The following FCRL2 variants were observed in gnomAD, a reference collection of about 807,000 sequenced individuals.
The protein encoded by FCRL2 is Fc receptor like 2.
In FCRL2, 48 loss-of-function variants were observed where a neutral mutation model predicts 59.8. The observed-to-expected ratio is 0.80, with a 90% CI of 0.64 to 1.02. The LOEUF is 1.02. Ranked by LOEUF, FCRL2 falls within the 50% of genes least tolerant of loss-of-function variation. FCRL2 has a pLI of 0.00. For synonymous variants in FCRL2, 251 were observed against 229.5 expected (o/e 1.09, Z -0.85); for missense variants, 658 against 597.3 (o/e 1.10, Z -1.06).
intron 7 of FCRL2, among the ~76,000 whole-genome samples, chr1:157,756,920 T>C (rs1648630338): frequency 6.6e-6 from 1 of 152,206 alleles, no homozygotes; most frequent in Admixed American, 6.5e-5. Flanking sequence ...CATAAATACA[T>C]GCAATTTTTA....
chr1:157,768,522 C>T lies in FCRL2; in HGVS notation c.775G>A (p.Glu259Lys). The change falls in exon 5 of 12, where the codon GAG (glutamate) becomes AAG (lysine). Residue 259 changes from glutamate to lysine, a missense_variant. Coordinates refer to ENST00000361516, the MANE Select transcript of FCRL2 (RefSeq NM_030764.4). Reference sequence around the variant, plus strand: ...TCTTTCACAGCTGGGATCTCCAGCTCTGCTGACAGGGAACGCTGGGTTTTC... The same window carrying T: ...TCTTTCACAGCTGGGATCTCCAGCTTTGCTGACAGGGAACGCTGGGTTTTC... The part of the protein sequence containing the change: ...GKKTQRSLSA[E>K]LEIPAVKESD... 6.2e-7 allele frequency: 1 copy of T among 1,614,236 alleles called. No homozygotes were observed. Among genetic ancestry groups the T allele is most frequent in the Non-Finnish European group, 8.5e-7 (1 of 1,180,036 alleles).
In FCRL2 at chr1:157,770,612, A is replaced by T. The variant is rs1430275819; in HGVS notation, c.107T>A (p.Leu36Gln). Residue 36 changes from leucine (L) to glutamine (Q), a missense_variant, in exon 3 of 12, where the codon CTG (leucine) becomes CAG (glutamine). By Grantham distance (113) the Leu-to-Gln change is moderately radical (BLOSUM62 -2). Transcript: ENST00000361516. Reference sequence around the variant, plus strand: ...CCAGTTCTGTTCTCCCTGGCATTTCAGAACGATGCTGTCTCCTTCGAAGAC... The same window carrying T: ...CCAGTTCTGTTCTCCCTGGCATTTCTGAACGATGCTGTCTCCTTCGAAGAC... ...SSVFEGDSIV[L>Q]KCQGEQNWKI... 1 of 1,614,096 alleles carries T rather than the reference A, an allele frequency of 6.2e-7. No individual in the cohort carries two copies. Among genetic ancestry groups the T allele is most frequent in the South Asian group, 1.1e-5 (1 of 91,086 alleles).
intron 7 of FCRL2, among the ~76,000 whole-genome samples, chr1:157,765,551 C>T (rs772299346): frequency 4.6e-5 from 7 of 152,148 alleles, no homozygotes; most frequent in East Asian, 1.9e-4. Context: ...CAACAAAAGA[C>T]GAGAAGGGGC....
chr1:157,760,711 GAAA>G (rs1648993836), intron 7 of FCRL2, among the ~76,000 whole-genome samples: 1 of 58,036 alleles, frequency 1.7e-5, no homozygotes, highest in Non-Finnish European at 3.6e-5. Flanking sequence ...AAGAAAGAAA[GAAA>G]GAAAGAAAGA....
intron 1 of FCRL2, 48 bp downstream of exon 1, chr1:157,776,995 A>C: frequency 6.4e-7 from 1 of 1,559,994 alleles, no homozygotes; most frequent in South Asian, 1.1e-5. Flanking sequence ...GGAGCAGTAG[A>C]CCTCATTCAG....
chr1:157,763,265 G>A (rs1349676227), intron 7 of FCRL2, among the ~76,000 whole-genome samples: 1 of 152,216 alleles, frequency 6.6e-6, no homozygotes, highest in African/African-American at 2.4e-5. Flanking sequence ...GCTCATGCCT[G>A]TAATCCCAGC....
intron 11 of FCRL2, 36 bp from the exon 12 acceptor site, chr1:157,746,810 T>C (rs1416537094): frequency 1.2e-6 from 2 of 1,613,680 alleles, no homozygotes; most frequent in Non-Finnish European, 1.7e-6. Flanking sequence ...ACTGAGGTGA[T>C]CAAGAAAATA....
At chr1:157,758,384 A>G (rs1479372782) in intron 7 of FCRL2, among the ~76,000 whole-genome samples, 1 of 152,244 alleles carries the variant, frequency 6.6e-6, no homozygotes, top group African/African-American at 2.4e-5. Flanking sequence ...TGGCTTGCAC[A>G]AAAGGGAAAA....
chr1:157,766,908 A>G lies in FCRL2; in HGVS notation c.1226T>C (p.Leu409Pro), dbSNP rs766822397. 6.2e-7 allele frequency: 1 copy of G among 1,614,224 alleles called. No individual in the cohort carries two copies. Among genetic ancestry groups the G allele is most frequent in the Non-Finnish European group, 8.5e-7 (1 of 1,180,036 alleles). The stretch of plus-strand genomic sequence containing the variant: ...CAGCAAAGCAACACCAGTGAAACCA[A>G]GGACACCAAACAGTCCCCAGAGAAC... ...AGVLWGLFGV[L>P]GFTGVALLLY... Residue 409 changes from leucine to proline, a missense_variant, in exon 7 of 12, where the codon CTT (leucine) becomes CCT (proline). Physicochemically the swap from Leu to Pro is moderately conservative, Grantham distance 98 (BLOSUM62 -3). Coordinates refer to ENST00000361516, the MANE Select transcript of FCRL2 (RefSeq NM_030764.4).
chr1:157,767,878 C>T (rs1283698822), intron 5 of FCRL2: 1 of 478,774 alleles, frequency 2.1e-6, no homozygotes, highest in East Asian at 3.7e-5. Context: ...TACATAGGAG[C>T]ATTTCTAAAC....
chr1:157,760,758 GAAAGAATGAAAAAAGA>G (rs1649025412), intron 7 of FCRL2, among the ~76,000 whole-genome samples: 1 of 124,028 alleles, frequency 8.1e-6, no homozygotes, highest in African/African-American at 3.0e-5. Context: ...AAAGAAAGAA[GAAAGAATGAAAAAAGA>G]AAGGAAGGAA....
In FCRL2 at chr1:157,772,219, A is replaced by G. The variant is rs186030733; in HGVS notation, c.53-1553T>C. On this transcript the variant is annotated intron_variant, in intron 2 of 11. Coordinates refer to ENST00000361516, the MANE Select transcript of FCRL2 (RefSeq NM_030764.4). ...CTCCACAAACAGGAAAGATTCCTGTAGAGAACACCACTGGGGATAGGAAGA... is the reference window on the plus strand; with the variant it reads ...CTCCACAAACAGGAAAGATTCCTGTGGAGAACACCACTGGGGATAGGAAGA... 5.9e-4 allele frequency among the ~76,000 whole-genome samples: 89 copies of G among 152,112 alleles called. 1 individual carries two copies. In the Middle Eastern group the frequency reaches 0.014, roughly 23 times the overall value.
chr1:157,756,881 G>A (rs930972865), intron 7 of FCRL2, among the ~76,000 whole-genome samples: 13 of 152,148 alleles, frequency 8.5e-5, no homozygotes, highest in African/African-American at 1.4e-4. Context: ...ATTCCACAAC[G>A]TATACTTATT....
rs1415253590 is a variant in FCRL2 at position 157,770,401 on chromosome 1, G to T, written c.310+8C>A. Reference sequence around the variant, plus strand: ...ACCCAGCCCATCCCACAGAAGTCAGGGTTTTACCTTGGACTTTTATCTTTA... The same window carrying T: ...ACCCAGCCCATCCCACAGAAGTCAGTGTTTTACCTTGGACTTTTATCTTTA... On this transcript the variant is annotated splice_region_variant and intron_variant, in intron 3 of 11. Transcript: ENST00000361516. 6.4e-7 allele frequency: 1 copy of T among 1,557,124 alleles called. No homozygotes were observed. Among genetic ancestry groups the T allele is most frequent in the Admixed American group, 1.7e-5 (1 of 58,112 alleles).
intron 7 of FCRL2, among the ~76,000 whole-genome samples, chr1:157,760,690 A>AGAAAGAAG (rs1315851533): frequency 1.8e-5 from 2 of 112,880 alleles, no homozygotes; most frequent in African/African-American, 7.6e-5. Flanking sequence ...AAAGAAAGAA[A>AGAAAGAAG]GAAAGAAGGA....
In FCRL2 at chr1:157,749,738, G is replaced by C. The variant is rs139649563; in HGVS notation, c.1280-61C>G. On this transcript the variant is annotated intron_variant, in intron 7 of 11. Coordinates refer to ENST00000361516, the MANE Select transcript of FCRL2 (RefSeq NM_030764.4). ...AGGAAGCTTTATCTCTTAAAATTTTGACATGATTTAACTACGTATAATCAG... is the reference window on the plus strand; with the variant it reads ...AGGAAGCTTTATCTCTTAAAATTTTCACATGATTTAACTACGTATAATCAG... The C allele has an allele frequency of 1.4e-4, 201 of 1,391,466 alleles. No homozygotes were observed. The African/African-American group carries it at 2.7e-3, about 18-fold the overall frequency. The allele number at this position is 1,391,466 out of a possible 1,614,324, so 86.2% of individuals were successfully genotyped here.
At chr1:157,771,945 T>C (rs1359049381) in intron 2 of FCRL2, among the ~76,000 whole-genome samples, 4 of 151,984 alleles carry the variant, frequency 2.6e-5, no homozygotes, top group Non-Finnish European at 5.9e-5. Context: ...TTTGGAGGTA[T>C]AATTTTTGGC....
intron 10 of FCRL2, 92 bp downstream of exon 10, chr1:157,748,461 T>A: frequency 1.8e-6 from 1 of 546,798 alleles, no homozygotes; most frequent in Non-Finnish European, 2.9e-6. Flanking sequence ...AATAAATAAA[T>A]AAATAAATAA....
At chr1:157,766,817 C>T (rs752739200) in intron 7 of FCRL2, 38 bp downstream of exon 7, 7 of 1,613,508 alleles carry the variant, frequency 4.3e-6, no homozygotes, top group Non-Finnish European at 8.5e-7. Context: ...GTGGAAAGGT[C>T]ATAGCAAAAT....
Sources: allele counts gnomAD v4.1 joint callset (sites outside exome capture counted in the v4.1 genomes callset), GRCh38; gene constraint gnomAD v4.1.1; transcripts MANE v1.5; gene names NCBI Gene and HGNC (gene_info 2026-07-23, HGNC 2026-07-21).